Variants in GRXCR2 observed in about 807,000 individuals in gnomAD.
GRXCR2 encodes glutaredoxin and cysteine rich domain containing 2, also known as glutaredoxin domain-containing cysteine-rich protein 2.
A neutral mutation model predicts 24.8 loss-of-function variants in GRXCR2; 23 were observed. That is an observed-to-expected ratio of 0.93 (90% CI 0.67 to 1.32). The LOEUF (loss-of-function observed/expected upper bound fraction) is 1.32. Among genes scored for constraint, GRXCR2 ranks in the 40% most tolerant of loss-of-function variants. The pLI is 0.00. For missense variants in GRXCR2, 315 were observed against 303.4 expected, an observed-to-expected ratio of 1.04 and a Z score of -0.28; for synonymous variants, 130 against 116.1, an observed-to-expected ratio of 1.12 and a Z score of -0.77.
chr5:145,929,148 C>T (rs953926556), intron 2 of GRXCR2, among the ~76,000 whole-genome samples: 4 of 143,166 alleles, frequency 2.8e-5, no homozygotes, highest in African/African-American at 1.0e-4. Context: ...TCCTTCACAT[C>T]ATTAAATATG....
upstream of GRXCR2, among the ~76,000 whole-genome samples, chr5:145,874,529 C>T (rs374615278): frequency 5.8e-4 from 89 of 152,246 alleles, 3 homozygotes; most frequent in South Asian, 0.017. Flanking sequence ...TCACCACTGC[C>T]TTCTTTCATC....
At chr5:145,882,646 A>G (rs1756719753) in intron 2 of GRXCR2, among the ~76,000 whole-genome samples, 1 of 152,170 alleles carries the variant, frequency 6.6e-6, no homozygotes, top group Non-Finnish European at 1.5e-5. Flanking sequence ...TAGAATTACC[A>G]TTTGACCCAG....
At chr5:145,858,067 A>G (rs556172934), downstream of GRXCR2, among the ~76,000 whole-genome samples, 24 of 152,226 alleles carry the variant, frequency 1.6e-4, no homozygotes, top group South Asian at 4.2e-3. Context: ...TAATCCCAGC[A>G]CTTTGGGAGG....
intron 2 of GRXCR2, among the ~76,000 whole-genome samples, chr5:145,882,571 G>A (rs1044009246): frequency 6.6e-6 from 1 of 152,176 alleles, no homozygotes; most frequent in African/African-American, 2.4e-5. Context: ...TACACTGTTG[G>A]TGGGACTGTA....
intron 2 of GRXCR2, among the ~76,000 whole-genome samples, chr5:145,913,158 GCAACATTA>G (rs1322284965): frequency 6.6e-6 from 1 of 152,130 alleles, no homozygotes; most frequent in Non-Finnish European, 1.5e-5. Flanking sequence ...CATCATAACT[GCAACATTA>G]ATGTGGGTAG....
chr5:145,896,010 T>C (rs1756943026), intron 2 of GRXCR2, among the ~76,000 whole-genome samples: 1 of 152,074 alleles, frequency 6.6e-6, no homozygotes, highest in Non-Finnish European at 1.5e-5. Flanking sequence ...TTGACAAACC[T>C]GACAAAAACA....
intron 2 of GRXCR2, among the ~76,000 whole-genome samples, chr5:145,908,063 T>C (rs952196317): frequency 9.2e-5 from 14 of 152,140 alleles, no homozygotes; most frequent in African/African-American, 2.9e-4. Context: ...TTACCAGTTC[T>C]ATGAGGAAGA....
upstream of GRXCR2, among the ~76,000 whole-genome samples, chr5:145,877,822 G>C (rs144479444): frequency 8.2e-3 from 1,249 of 152,350 alleles, 68 homozygotes; most frequent in East Asian, 0.14. Context: ...GAAGCTTCCA[G>C]AGGAAGGATG....
At chr5:145,902,250 T>G (rs933765660) in intron 2 of GRXCR2, among the ~76,000 whole-genome samples, 1 of 152,074 alleles carries the variant, frequency 6.6e-6, no homozygotes, top group Non-Finnish European at 1.5e-5. Context: ...CATGCCACCA[T>G]ACCTGTCTAA....
In GRXCR2 at chr5:145,926,750, A is replaced by T. The variant is rs1427365121; in HGVS notation, c.-70+8951T>A. Among the ~76,000 whole-genome samples the T allele has an allele frequency of 4.6e-5, 7 of 152,228 alleles. No individual in the cohort carries two copies. The South Asian group carries it at 6.2e-4, about 14-fold the overall frequency. On this transcript the variant is annotated intron_variant, in intron 2 of 3. Coordinates refer to the GRXCR2 transcript ENST00000639411. ...CCATATGAACTTCAAAGTAGTTTTTAGCAATTCTGTGAAGAAAGTCATTGG... is the reference window on the plus strand; with the variant it reads ...CCATATGAACTTCAAAGTAGTTTTTTGCAATTCTGTGAAGAAAGTCATTGG...
At position 145,859,638 on chromosome 5, in the gene GRXCR2, C is replaced by T. The variant is rs1756294700; in HGVS notation, c.*95G>A. The T allele has an allele frequency of 8.5e-7, 1 of 1,181,572 alleles. No homozygotes were observed. Among genetic ancestry groups the T allele is most frequent in the African/African-American group, 1.5e-5 (1 of 66,330 alleles). The allele number at this position is 1,181,572 out of a possible 1,614,324, so 73.2% of individuals were successfully genotyped here. ...GGAGTGACTGCAGCCACTGTGGCCTCCTTGTTGGGAGAGGCAGGAGGAGGA... is the reference window on the plus strand; with the variant it reads ...GGAGTGACTGCAGCCACTGTGGCCTTCTTGTTGGGAGAGGCAGGAGGAGGA... On this transcript the variant is annotated 3_prime_UTR_variant, in exon 3 of 3. Coordinates refer to ENST00000377976, the MANE Select transcript of GRXCR2 (RefSeq NM_001080516.2).
intron 2 of GRXCR2, among the ~76,000 whole-genome samples, chr5:145,889,207 A>AGAAAGAAG (rs1756825213): frequency 1.3e-5 from 2 of 151,034 alleles, no homozygotes; most frequent in African/African-American, 4.9e-5. Context: ...AAAGAAAGAA[A>AGAAAGAAG]GAAAGAAAGA....
At chr5:145,926,113 A>C (rs1326350034) in intron 2 of GRXCR2, among the ~76,000 whole-genome samples, 1 of 152,180 alleles carries the variant, frequency 6.6e-6, no homozygotes, top group African/African-American at 2.4e-5. Flanking sequence ...GAAAGGAAAC[A>C]GTGAAAGAAA....
upstream of GRXCR2, among the ~76,000 whole-genome samples, chr5:145,874,721 T>C (rs1561679177): frequency 6.6e-6 from 1 of 152,216 alleles, no homozygotes; most frequent in Admixed American, 6.5e-5. Flanking sequence ...TTCTAGTGCA[T>C]CAGGGCTTAA....
chr5:145,873,051 C>A, upstream of GRXCR2: 1 of 1,072,396 alleles, frequency 9.3e-7, no homozygotes, highest in South Asian at 1.5e-5. Context: ...ATTTTATTTT[C>A]TCTCCTCCTG....
intron 1 of GRXCR2, 136 bp from the exon 2 acceptor site, chr5:145,866,864 A>G (rs940917921): frequency 2.7e-5 from 17 of 628,912 alleles, no homozygotes; most frequent in Non-Finnish European, 4.5e-5. Context: ...ATCAGACCCC[A>G]AAGTCACAGT....
chr5:145,910,998 T>TTA (rs1757159109), intron 2 of GRXCR2, among the ~76,000 whole-genome samples: 1 of 152,118 alleles, frequency 6.6e-6, no homozygotes, highest in South Asian at 2.1e-4. Flanking sequence ...TTTGTATTTT[T>TTA]TTTTTTGGAA....
chr5:145,929,280 C>T (rs1270149909), intron 2 of GRXCR2, among the ~76,000 whole-genome samples: 2 of 147,482 alleles, frequency 1.4e-5, no homozygotes, highest in African/African-American at 2.5e-5. Flanking sequence ...TAACTTTTCA[C>T]TTTTATAAGT....
intron 2 of GRXCR2, among the ~76,000 whole-genome samples, chr5:145,908,967 G>C (rs1450294466): frequency 6.6e-6 from 1 of 152,196 alleles, no homozygotes; most frequent in Non-Finnish European, 1.5e-5. Context: ...TTTGGAAGAA[G>C]ATCTGGGTTC....
Sources: gnomAD v4.1 joint callset for allele counts (sites outside exome capture counted in the v4.1 genomes callset) on GRCh38, gnomAD v4.1.1 for gene constraint, MANE v1.5 for transcripts, NCBI Gene and HGNC (gene_info 2026-07-23, HGNC 2026-07-21) for gene names.